GULP1: variants seen among roughly 807,000 people sequenced by gnomAD.
The protein encoded by GULP1 is PTB domain-containing engulfment adapter protein 1.
Under a neutral mutation model 40.9 loss-of-function variants are expected in GULP1, and 19 were observed. The ratio of observed to expected loss-of-function variants is 0.46; its 90% CI spans 0.32 to 0.68. The LOEUF (loss-of-function observed/expected upper bound fraction) is 0.68. Ranked by LOEUF, GULP1 falls within the 30% of genes least tolerant of loss-of-function variation. The pLI, the probability that GULP1 is intolerant of heterozygous loss-of-function variation, is 0.03. For missense variants in GULP1, 312 were observed against 362.2 expected, an observed-to-expected ratio of 0.86 and a Z score of 1.12; for synonymous variants, 119 against 117.6, an observed-to-expected ratio of 1.01 and a Z score of -0.08.
At chr2:188,575,206 A>G (rs986656747) in intron 9 of GULP1, among the ~76,000 whole-genome samples, 20 of 152,178 alleles carry the variant, frequency 1.3e-4, no homozygotes, top group African/African-American at 4.3e-4. Flanking sequence ...AATTGTTCTT[A>G]GTAGTAGACC....
At chr2:188,491,941 A>G (rs1270410048) in intron 4 of GULP1, among the ~76,000 whole-genome samples, 1 of 152,036 alleles carries the variant, frequency 6.6e-6, no homozygotes, top group Non-Finnish European at 1.5e-5. Flanking sequence ...CAGTTTCCAG[A>G]AAAGTGTGTA....
intron 2 of GULP1, among the ~76,000 whole-genome samples, chr2:188,468,825 C>T (rs541362110): frequency 5.9e-5 from 9 of 151,864 alleles, no homozygotes; most frequent in South Asian, 4.2e-4. Context: ...ATGTTTGCAA[C>T]GAGGGGAGGG....
intron 4 of GULP1, among the ~76,000 whole-genome samples, chr2:188,508,974 A>G (rs1438396502): frequency 6.6e-6 from 1 of 152,034 alleles, no homozygotes; most frequent in African/African-American, 2.4e-5. Flanking sequence ...TGGCATTAAA[A>G]TTCATAGACC....
In GULP1 at chr2:188,307,435, C is replaced by T. The variant is rs1010666329; in HGVS notation, c.-172+15269C>T. 5.5e-5 allele frequency among the ~76,000 whole-genome samples: 8 copies of T among 145,562 alleles called. No homozygotes were observed. The South Asian group carries it at 1.5e-3, about 27-fold the overall frequency. ...TTGAAGTGAGATACATCTCCTTTTT[C>T]GAGATTTTTTTTTTTACAAATAAAA... On this transcript the variant is annotated intron_variant, in intron 1 of 11. Coordinates refer to ENST00000409830, the MANE Select transcript of GULP1 (RefSeq NM_016315.4).
chr2:188,326,709 A>T (rs577059787), intron 1 of GULP1, among the ~76,000 whole-genome samples: 1 of 152,278 alleles, frequency 6.6e-6, no homozygotes, highest in Non-Finnish European at 1.5e-5. Context: ...CAATTATTTC[A>T]AAGAAGTCGT....
chr2:188,369,392 A>G (rs2047300620), intron 1 of GULP1, among the ~76,000 whole-genome samples: 1 of 91,950 alleles, frequency 1.1e-5, no homozygotes, highest in Admixed American at 9.8e-5. Flanking sequence ...TGATTGCAAG[A>G]AAAAAAAAAA....
chr2:188,497,033 A>G (rs1364238817), intron 4 of GULP1, among the ~76,000 whole-genome samples: 1 of 151,938 alleles, frequency 6.6e-6, no homozygotes, highest in Non-Finnish European at 1.5e-5. Context: ...TTAAACCTCT[A>G]TTATTTATCA....
chr2:188,533,798 A>G (rs537417801), intron 6 of GULP1, among the ~76,000 whole-genome samples: 1 of 152,280 alleles, frequency 6.6e-6, no homozygotes, highest in East Asian at 1.9e-4. Flanking sequence ...AAATAATAAT[A>G]ACCCGATTAA....
chr2:188,309,041 A>G (rs768561644), intron 1 of GULP1, among the ~76,000 whole-genome samples: 7 of 152,238 alleles, frequency 4.6e-5, no homozygotes, highest in Non-Finnish European at 8.8e-5. Flanking sequence ...GCTCCTAAAC[A>G]TCCATAGTTA....
chr2:188,311,810 T>G (rs1429312720), intron 1 of GULP1, among the ~76,000 whole-genome samples: 2 of 148,012 alleles, frequency 1.4e-5, no homozygotes, highest in African/African-American at 4.9e-5. Flanking sequence ...ATGCATATAC[T>G]TATACGTATA....
intron 1 of GULP1, among the ~76,000 whole-genome samples, chr2:188,367,358 T>C (rs1018096419): frequency 6.6e-6 from 1 of 152,084 alleles, no homozygotes; most frequent in Non-Finnish European, 1.5e-5. Flanking sequence ...AGTGAGTAAA[T>C]AGAAGCAGCT....
intron 4 of GULP1, among the ~76,000 whole-genome samples, chr2:188,520,786 C>T (rs749101643): frequency 1.2e-4 from 18 of 152,200 alleles, no homozygotes; most frequent in Non-Finnish European, 1.8e-4. Context: ...AAATATAATT[C>T]GCTTGCCCTA....
At chr2:188,561,775 T>C (rs1330235958) in intron 7 of GULP1, among the ~76,000 whole-genome samples, 1 of 151,896 alleles carries the variant, frequency 6.6e-6, no homozygotes, top group Non-Finnish European at 1.5e-5. Flanking sequence ...GGCTGGGGAG[T>C]GGGGAATGCA....
chr2:188,548,567 G>T (rs1012349965), intron 7 of GULP1, among the ~76,000 whole-genome samples: 3 of 151,996 alleles, frequency 2.0e-5, no homozygotes, highest in Non-Finnish European at 4.4e-5. Context: ...ATATAGACAA[G>T]ACAAGATTAT....
chr2:188,443,051 T>C (rs923572984), intron 2 of GULP1, among the ~76,000 whole-genome samples: 1 of 152,180 alleles, frequency 6.6e-6, no homozygotes, highest in Non-Finnish European at 1.5e-5. Context: ...TAACTGTTCA[T>C]AGTTTTAAAT....
At chr2:188,552,032 T>C (rs563053776) in intron 7 of GULP1, among the ~76,000 whole-genome samples, 65 of 151,696 alleles carry the variant, frequency 4.3e-4, no homozygotes, top group South Asian at 1.5e-3. Flanking sequence ...ATTTTTTTTT[T>C]CTAAGTTGTT....
chr2:188,496,402 G>A (rs1006580040), intron 4 of GULP1, among the ~76,000 whole-genome samples: 1 of 151,962 alleles, frequency 6.6e-6, no homozygotes, highest in Admixed American at 6.6e-5. Flanking sequence ...GCGAGGAGAT[G>A]ATGGAATAAA....
intron 4 of GULP1, among the ~76,000 whole-genome samples, chr2:188,514,016 A>T (rs1282894001): frequency 7.1e-6 from 1 of 141,736 alleles, no homozygotes; most frequent in Non-Finnish European, 1.5e-5. Flanking sequence ...TTGGTAACTG[A>T]TCTGTCTAAA....
At chr2:188,565,565 G>A (rs1697455751) in intron 7 of GULP1, among the ~76,000 whole-genome samples, 2 of 151,946 alleles carry the variant, frequency 1.3e-5, no homozygotes, top group African/African-American at 4.8e-5. Flanking sequence ...GTGACATAAT[G>A]AGAACTCTCT....
Sources: allele counts gnomAD v4.1 joint callset (sites outside exome capture counted in the v4.1 genomes callset), GRCh38; gene constraint gnomAD v4.1.1; transcripts MANE v1.5; gene names NCBI Gene and HGNC (gene_info 2026-07-23, HGNC 2026-07-21).